Variants in SARAF observed in about 807,000 individuals in gnomAD.
The protein encoded by SARAF is store-operated calcium entry-associated regulatory factor.
In SARAF, 23 loss-of-function variants were observed where a neutral mutation model predicts 39.7. The ratio of observed to expected loss-of-function variants is 0.58; its 90% CI spans 0.42 to 0.82. SARAF has a LOEUF of 0.82. Among genes scored for constraint, SARAF ranks in the 40% least tolerant of loss-of-function variants. SARAF has a pLI of 0.00. For missense variants in SARAF, 384 were observed against 418.5 expected (o/e 0.92, Z 0.72); for synonymous variants, 175 against 168.5 (o/e 1.04, Z -0.30).
intron 4 of SARAF, among the ~76,000 whole-genome samples, 188 bp downstream of exon 4, chr8:30,066,588 GA>G (rs2117421243): frequency 6.6e-6 from 1 of 152,216 alleles, no homozygotes; most frequent in East Asian, 1.9e-4. Context: ...GAAACACAGT[GA>G]AAGAAAATAA....
rs1176241875 is a variant in SARAF at position 30,076,002 on chromosome 8, AAAC to A, written c.104-1950_104-1948del. 2.9e-4 allele frequency among the ~76,000 whole-genome samples: 42 copies of A among 146,008 alleles called. 15 individuals carry two copies. The highest frequency in any genetic ancestry group is 1.4e-3 in the East Asian group (7 of 5,094). On this transcript the variant is annotated intron_variant, in intron 1 of 5. Transcript: ENST00000256255. ...TCCCTAAAAAAAAACAAAAAAAAAA[AAAC>A]AAAAAACGGGAAATGGCAGCTCTGG...
chr8:30,074,156 C>T, intron 1 of SARAF, 101 bp from the exon 2 acceptor site: 4 of 1,319,416 alleles, frequency 3.0e-6, no homozygotes, highest in Non-Finnish European at 4.2e-6. Flanking sequence ...GCCTTTCTTG[C>T]CTTCTGAGGA....
At position 30,064,548 on chromosome 8, in the gene SARAF, TATATATA is replaced by T. The variant is rs1475098223; in HGVS notation, c.995-642_995-636del. On this transcript the variant is annotated intron_variant, in intron 5 of 5. Transcript: ENST00000256255. ...TCTTACCTAGCCATATATATATATA[TATATATA>T]TATATATTTTTTTTTTTTTTTTTTG... 1.8e-3 allele frequency among the ~76,000 whole-genome samples: 88 copies of T among 47,642 alleles called. 1 individual carries two copies. Among genetic ancestry groups the T allele is most frequent in the Middle Eastern group, 8.6e-3 (1 of 116 alleles). The allele number at this position is 47,642 out of a possible 152,430, so 31.3% of individuals were successfully genotyped here. A position where few individuals can be genotyped will look rare whatever the true frequency, so the allele number is the denominator to read the frequency against.
chr8:30,071,786 A>T (rs1801852392), intron 2 of SARAF, among the ~76,000 whole-genome samples: 1 of 151,938 alleles, frequency 6.6e-6, no homozygotes, highest in Non-Finnish European at 1.5e-5. Context: ...ATGTATTACT[A>T]TTTCACTTTT....
chr8:30,072,562 T>C (rs561954527), intron 2 of SARAF, among the ~76,000 whole-genome samples: 7 of 152,366 alleles, frequency 4.6e-5, no homozygotes, highest in Non-Finnish European at 7.3e-5. Flanking sequence ...TGGTATTTCA[T>C]GTTAACTACC....
At position 30,082,912 on chromosome 8, in the gene SARAF, C is replaced by T. The variant is rs745505803; in HGVS notation, c.38G>A (p.Cys13Tyr). 1 of 1,556,410 alleles carries T rather than the reference C, an allele frequency of 6.4e-7. No homozygotes were observed. The highest frequency in any genetic ancestry group is 8.7e-7 in the Non-Finnish European group (1 of 1,152,034). ...AAACAAATGCAAGCCGAGGAGCAAG[C>T]AGTACCCGGCCGCTCCCGGCCCGCA... ...AACGPGAAGYCLLLGLHLFLL... is the reference protein window; with the variant it reads ...AACGPGAAGYYLLLGLHLFLL... The change falls in exon 1 of 6, where the codon TGC becomes TAC. Residue 13 changes from cysteine to tyrosine, a missense_variant. Cys to Tyr is a radical substitution (Grantham distance 194). Transcript: ENST00000256255.
intron 1 of SARAF, among the ~76,000 whole-genome samples, chr8:30,074,625 C>A (rs188015533): frequency 6.6e-6 from 1 of 152,106 alleles, no homozygotes; most frequent in African/African-American, 2.4e-5. Context: ...AACAGTACTA[C>A]ATACTGTTAA....
At chr8:30,071,553 TCAC>T (rs1432678015) in intron 2 of SARAF, among the ~76,000 whole-genome samples, 25 of 152,330 alleles carry the variant, frequency 1.6e-4, no homozygotes, top group African/African-American at 5.5e-4. Context: ...TGTGCTACTG[TCAC>T]CACAATCAAT....
chr8:30,072,613 C>T (rs1254139108), intron 2 of SARAF, among the ~76,000 whole-genome samples: 1 of 152,198 alleles, frequency 6.6e-6, no homozygotes, highest in East Asian at 1.9e-4. Context: ...CTTCTAAGTA[C>T]TGTATTTAAA....
chr8:30,064,019 GAGGAA>G (rs1442773592), intron 5 of SARAF, 106 bp from the exon 6 acceptor site: 1 of 1,044,136 alleles, frequency 9.6e-7, no homozygotes, highest in East Asian at 2.4e-5. Context: ...AATGAGATAG[GAGGAA>G]AGGAAAGAGT....
Position 30,069,258 on chromosome 8 carries a change from G to A in SARAF, c.700+384C>T, listed in dbSNP as rs1181644928. ...GGGTTCAAGTGATTCTCATGCCTCA[G>A]TCTCCCAAGCAGCTGGAATCACAGG... On this transcript the variant is annotated intron_variant, in intron 3 of 5. Transcript: ENST00000256255. Among the ~76,000 whole-genome samples, 7 of 147,688 alleles carry A rather than the reference G, an allele frequency of 4.7e-5. No individual in the cohort carries two copies. In the East Asian group the frequency reaches 1.4e-3, roughly 30 times the overall value.
At chr8:30,082,800 G>A (rs762119106) in intron 1 of SARAF, 47 bp downstream of exon 1, 9 of 1,435,102 alleles carry the variant, frequency 6.3e-6, no homozygotes, top group Non-Finnish European at 5.6e-6. Context: ...GGCTGACGGC[G>A]GCGGAAAAGG....
intron 1 of SARAF, among the ~76,000 whole-genome samples, chr8:30,075,980 C>CCA (rs1563356165): frequency 1.1e-5 from 1 of 87,994 alleles, no homozygotes; most frequent in Admixed American, 1.5e-4. Context: ...AACAGAATCC[C>CCA]TAAAAAAAAA....
chr8:30,075,824 A>G (rs931153258), intron 1 of SARAF, among the ~76,000 whole-genome samples: 6 of 152,038 alleles, frequency 3.9e-5, no homozygotes, highest in African/African-American at 1.4e-4. Context: ...GATGTGAATG[A>G]CTGTGGTCAG....
In SARAF at chr8:30,073,992, C is replaced by CG; in HGVS notation, c.166dup (p.Arg56ProfsTer19). 6.2e-7 allele frequency: 1 copy of CG among 1,614,070 alleles called. No individual in the cohort carries two copies. Among genetic ancestry groups the CG allele is most frequent in the Non-Finnish European group, 8.5e-7 (1 of 1,180,020 alleles). ...CAACTGTGGGATGGGATCCAGCCTG[C>CG]GGGAGGTGGTATAGCGGTCATAGTG... On this transcript the variant is annotated frameshift_variant, in exon 2 of 6. Coordinates refer to ENST00000256255, the MANE Select transcript of SARAF (RefSeq NM_016127.6). LOFTEE classifies it high-confidence loss of function.
In SARAF at chr8:30,066,021, A is replaced by G; in HGVS notation, c.961T>C (p.Ser321Pro). Residue 321 changes from serine to proline, a missense_variant, in exon 5 of 6, where the codon TCA (serine) becomes CCA (proline). By Grantham distance (74) the Ser-to-Pro change is moderately conservative (BLOSUM62 -1). Transcript: ENST00000256255. The part of the protein sequence containing the change: ...HGGSGSYSVC[S>P]NSDTKTRTAS... ...GTTCTGGTTTTCGTGTCTGAGTTTG[A>G]ACATACCGAATAGCTGCCCGAGCCT... is the stretch of plus-strand genomic sequence containing the variant. 1 of 1,614,134 alleles carries G rather than the reference A, an allele frequency of 6.2e-7. No homozygotes were observed. Among genetic ancestry groups the G allele is most frequent in the Non-Finnish European group, 8.5e-7 (1 of 1,180,020 alleles).
At chr8:30,066,638 C>G (rs868773287) in intron 4 of SARAF, 139 bp downstream of exon 4, 1 of 1,022,654 alleles carries the variant, frequency 9.8e-7, no homozygotes, top group Middle Eastern at 2.2e-4. Context: ...AGTGTACCTT[C>G]CCCCTTCCCA....
chr8:30,066,271 A>C, intron 4 of SARAF, 132 bp from the exon 5 acceptor site: 1 of 945,646 alleles, frequency 1.1e-6, no homozygotes, highest in South Asian at 1.8e-5. Context: ...GGTATATCAG[A>C]GTTAACATGA....
Position 30,082,942 on chromosome 8 carries a change from G to A in SARAF, c.8C>T (p.Ala3Val). The A allele has an allele frequency of 6.5e-7, 1 of 1,543,718 alleles. No individual in the cohort carries two copies. The highest frequency in any genetic ancestry group is 8.7e-7 in the Non-Finnish European group (1 of 1,145,530). MA[A>V]ACGPGAAGYC... ...CCCGGCCGCTCCCGGCCCGCAGGCT[G>A]CGGCCATGGCGCTCGATGAAGATGG... Residue 3 changes from alanine (A) to valine (V), a missense_variant, in exon 1 of 6, where the codon GCA becomes GTA. Transcript: ENST00000256255.
Sources: allele counts gnomAD v4.1 joint callset (sites outside exome capture counted in the v4.1 genomes callset), GRCh38; gene constraint gnomAD v4.1.1; transcripts MANE v1.5; gene names NCBI Gene and HGNC (gene_info 2026-07-23, HGNC 2026-07-21).